SLC9A9: variants seen among roughly 807,000 people sequenced by gnomAD.
SLC9A9 encodes the protein sodium/hydrogen exchanger 9.
In SLC9A9, 62 loss-of-function variants were observed where a neutral mutation model predicts 77.8. The ratio of observed to expected loss-of-function variants is 0.80; its 90% confidence interval spans 0.65 to 0.98. The LOEUF is 0.98. Among genes scored for constraint, SLC9A9 ranks in the 50% least tolerant of loss-of-function variants. The pLI is 0.00. For synonymous variants in SLC9A9, 320 were observed against 283.5 expected (o/e 1.13, Z -1.29); for missense variants, 775 against 774.9 (o/e 1.00, Z 0.00).
intron 12 of SLC9A9, among the ~76,000 whole-genome samples, chr3:143,429,479 C>T (rs1004288646): frequency 2.6e-5 from 4 of 152,156 alleles, no homozygotes; most frequent in Non-Finnish European, 4.4e-5. Context: ...CAGAGCCTGG[C>T]GGAGTCTATT....
chr3:143,568,011 C>T (rs1490536826), intron 8 of SLC9A9, among the ~76,000 whole-genome samples: 4 of 152,114 alleles, frequency 2.6e-5, no homozygotes, highest in Non-Finnish European at 5.9e-5. Flanking sequence ...ACTATTCCTT[C>T]CTTTGTACCA....
At chr3:143,509,875 T>G (rs1295668498) in intron 9 of SLC9A9, among the ~76,000 whole-genome samples, 1 of 152,214 alleles carries the variant, frequency 6.6e-6, no homozygotes, top group Non-Finnish European at 1.5e-5. Context: ...CCCTATTTGT[T>G]CTGTAAAACA....
chr3:143,414,187 T>A (rs934835424), intron 12 of SLC9A9, among the ~76,000 whole-genome samples: 9 of 152,248 alleles, frequency 5.9e-5, no homozygotes, highest in Non-Finnish European at 1.3e-4. Flanking sequence ...TACCTGCATT[T>A]GTGTGTATAT....
chr3:143,492,046 A>G (rs1410359733), intron 11 of SLC9A9, among the ~76,000 whole-genome samples: 1 of 151,880 alleles, frequency 6.6e-6, no homozygotes, highest in African/African-American at 2.4e-5. Flanking sequence ...TAATCCCAGC[A>G]CTTTGGGAGG....
intron 12 of SLC9A9, among the ~76,000 whole-genome samples, chr3:143,421,279 T>C (rs540883443): frequency 6.6e-6 from 1 of 152,270 alleles, no homozygotes; most frequent in South Asian, 2.1e-4. Context: ...CTAAAATTCA[T>C]ATGGAACCAA....
intron 10 of SLC9A9, 140 bp from the exon 11 acceptor site, chr3:143,493,904 C>A: frequency 1.5e-6 from 1 of 688,486 alleles, no homozygotes; most frequent in Non-Finnish European, 2.6e-6. Flanking sequence ...TCACATTTGT[C>A]CAACTTGCTT....
intron 2 of SLC9A9, among the ~76,000 whole-genome samples, chr3:143,806,860 T>C (rs1468112764): frequency 6.6e-6 from 1 of 152,108 alleles, no homozygotes; most frequent in Non-Finnish European, 1.5e-5. Context: ...ACATTTAAAA[T>C]TAACTAAAAG....
intron 2 of SLC9A9, among the ~76,000 whole-genome samples, chr3:143,805,005 C>A (rs1327566035): frequency 1.3e-5 from 2 of 152,014 alleles, no homozygotes; most frequent in Non-Finnish European, 2.9e-5. Context: ...TTGTTTTTAC[C>A]TAAATCAATC....
At chr3:143,718,685 G>C (rs982533744) in intron 4 of SLC9A9, among the ~76,000 whole-genome samples, 2 of 152,104 alleles carry the variant, frequency 1.3e-5, no homozygotes, top group Non-Finnish European at 2.9e-5. Context: ...GGCTTTTCCG[G>C]CTCAGTTCTG....
At chr3:143,846,801 A>G (rs561096584) in intron 1 of SLC9A9, among the ~76,000 whole-genome samples, 8 of 151,612 alleles carry the variant, frequency 5.3e-5, no homozygotes, top group African/African-American at 1.9e-4. Flanking sequence ...TTTAGGGTAC[A>G]TGTGCACAAC....
At chr3:143,361,146 A>C (rs1306062289) in intron 14 of SLC9A9, among the ~76,000 whole-genome samples, 1 of 152,270 alleles carries the variant, frequency 6.6e-6, no homozygotes, top group East Asian at 1.9e-4. Flanking sequence ...TGTATATGAT[A>C]TGTAAAGTAC....
At chr3:143,307,927 G>A (rs145320880) in intron 14 of SLC9A9, among the ~76,000 whole-genome samples, 222 of 152,308 alleles carry the variant, frequency 1.5e-3, no homozygotes, top group African/African-American at 5.2e-3. Context: ...ACTGAAAGGG[G>A]ATTCCCAGGA....
intron 12 of SLC9A9, among the ~76,000 whole-genome samples, chr3:143,439,604 C>T (rs1393606754): frequency 1.3e-5 from 2 of 152,186 alleles, no homozygotes; most frequent in Non-Finnish European, 2.9e-5. Context: ...TCACACCTGG[C>T]TTGAGAGGTC....
At chr3:143,297,101 A>C (rs1175966157) in intron 14 of SLC9A9, among the ~76,000 whole-genome samples, 1 of 152,198 alleles carries the variant, frequency 6.6e-6, no homozygotes, top group Non-Finnish European at 1.5e-5. Context: ...CTCTCTAAAC[A>C]AATGTCATGA....
At chr3:143,625,395 T>C (rs1434121692) in intron 6 of SLC9A9, among the ~76,000 whole-genome samples, 2 of 152,148 alleles carry the variant, frequency 1.3e-5, no homozygotes, top group Non-Finnish European at 2.9e-5. Context: ...CAAAACAACA[T>C]GGTACTGGTA....
At chr3:143,804,188 ATAT>A (rs1251694648) in intron 2 of SLC9A9, among the ~76,000 whole-genome samples, 1 of 152,210 alleles carries the variant, frequency 6.6e-6, no homozygotes, top group African/African-American at 2.4e-5. Flanking sequence ...TTCCAGCTCC[ATAT>A]TACAGATAAG....
intron 9 of SLC9A9, among the ~76,000 whole-genome samples, chr3:143,523,709 T>A (rs536561642): frequency 6.6e-6 from 1 of 152,292 alleles, no homozygotes; most frequent in Admixed American, 6.5e-5. Context: ...GTAATCATTA[T>A]CATTATATTT....
intron 6 of SLC9A9, among the ~76,000 whole-genome samples, chr3:143,612,027 G>A (rs1356010426): frequency 6.6e-6 from 1 of 152,162 alleles, no homozygotes; most frequent in Non-Finnish European, 1.5e-5. Context: ...CCTGGCCTAG[G>A]AAACTTTGAA....
chr3:143,366,987 G>A (rs2032926463), intron 13 of SLC9A9, among the ~76,000 whole-genome samples: 1 of 152,144 alleles, frequency 6.6e-6, no homozygotes, highest in Non-Finnish European at 1.5e-5. Context: ...CTTTGAAAAT[G>A]TCCCCATAGA....
Sources: gnomAD v4.1 joint callset for allele counts (sites outside exome capture counted in the v4.1 genomes callset) on GRCh38, gnomAD v4.1.1 for gene constraint, MANE v1.5 for transcripts, NCBI Gene and HGNC (gene_info 2026-07-23, HGNC 2026-07-21) for gene names.